SNX31: variants seen among roughly 807,000 people sequenced by gnomAD.
The protein encoded by SNX31 is sorting nexin-31.
In SNX31, 58 loss-of-function variants were observed where a neutral mutation model predicts 65.4. That is an observed-to-expected ratio of 0.89 (90% CI 0.72 to 1.10). The LOEUF (loss-of-function observed/expected upper bound fraction) is 1.10. Among genes scored for constraint, SNX31 ranks in the 50% least tolerant of loss-of-function variants. The probability of loss-of-function intolerance (pLI) is 0.00; values close to 1 mark genes in which losing one functional copy is unlikely to be tolerated. For missense variants in SNX31, 523 were observed against 529.7 expected (o/e 0.99, Z 0.12); for synonymous variants, 181 against 190.1 (o/e 0.95, Z 0.39).
At chr8:100,582,173 T>C (rs932678092) in intron 12 of SNX31, among the ~76,000 whole-genome samples, 2 of 152,240 alleles carry the variant, frequency 1.3e-5, no homozygotes, top group African/African-American at 2.4e-5. Flanking sequence ...TTAAGATACA[T>C]AGTGTGGTTG....
At chr8:100,586,165 C>A (rs1002335384) in intron 11 of SNX31, among the ~76,000 whole-genome samples, 26 of 152,196 alleles carry the variant, frequency 1.7e-4, no homozygotes, top group African/African-American at 6.3e-4. Flanking sequence ...AAGTGATCTG[C>A]CGGCTTTGGC....
chr8:100,584,748 C>CTTTTT (rs531595486), intron 11 of SNX31, among the ~76,000 whole-genome samples: 6 of 135,444 alleles, frequency 4.4e-5, no homozygotes, highest in East Asian at 2.2e-4. Context: ...TTTTCTTTTT[C>CTTTTT]TTTTTTTTTT....
intron 11 of SNX31, among the ~76,000 whole-genome samples, chr8:100,587,481 C>T (rs1814151068): frequency 6.6e-6 from 1 of 152,178 alleles, no homozygotes; most frequent in South Asian, 2.1e-4. Context: ...TGCTATTGTG[C>T]TGATTAGCTA....
At chr8:100,656,532 T>C (rs932310263) in intron 1 of SNX31, among the ~76,000 whole-genome samples, 3 of 147,256 alleles carry the variant, frequency 2.0e-5, no homozygotes, top group African/African-American at 7.7e-5. Flanking sequence ...TCCCAGCTAC[T>C]CGGGAGGCCA....
chr8:100,611,780 T>C (rs528140977), intron 7 of SNX31, among the ~76,000 whole-genome samples: 8 of 152,302 alleles, frequency 5.3e-5, no homozygotes, highest in Non-Finnish European at 1.0e-4. Flanking sequence ...GATCTTGAAC[T>C]CCTGGGCTCC....
At chr8:100,598,807 G>A (rs890443280) in intron 9 of SNX31, among the ~76,000 whole-genome samples, 1 of 152,152 alleles carries the variant, frequency 6.6e-6, no homozygotes, top group Non-Finnish European at 1.5e-5. Flanking sequence ...CAGACATATG[G>A]TCCCTGTTGC....
At position 100,661,795 on chromosome 8, in the gene SNX31, GC is replaced by G. The variant is rs1739148684; in HGVS notation, c.-58+1346del. On this transcript the variant is annotated intron_variant, in intron 1 of 5. Transcript: ENST00000520352. Reference sequence around the variant, plus strand: ...TCCTCCTGCCTCAGCCTCCCAAAGTGCTGGGATTACAGGTGTGAGCCACTGC... The same window carrying G: ...TCCTCCTGCCTCAGCCTCCCAAAGTGTGGGATTACAGGTGTGAGCCACTGC... 3.9e-5 allele frequency among the ~76,000 whole-genome samples: 6 copies of G among 152,134 alleles called. No individual in the cohort carries two copies. In the South Asian group the frequency reaches 1.2e-3, roughly 32 times the overall value.
At chr8:100,637,422 G>A (rs1228816106) in intron 2 of SNX31, among the ~76,000 whole-genome samples, 1 of 152,156 alleles carries the variant, frequency 6.6e-6, no homozygotes, top group African/African-American at 2.4e-5. Flanking sequence ...TAAGAAAAAT[G>A]AGGCTGCAAA....
chr8:100,647,269 ATTTATTAAAATCTAT>A (rs1036403026), intron 2 of SNX31, among the ~76,000 whole-genome samples: 5 of 152,314 alleles, frequency 3.3e-5, no homozygotes, highest in African/African-American at 4.8e-5. Context: ...AATATGAAAT[ATTTATTAAAATCTAT>A]TTTATTAAAA....
At chr8:100,640,426 A>G (rs892845492) in intron 2 of SNX31, among the ~76,000 whole-genome samples, 4 of 152,124 alleles carry the variant, frequency 2.6e-5, no homozygotes, top group African/African-American at 4.8e-5. Flanking sequence ...ACGCCCAGCC[A>G]TATCAGATAA....
chr8:100,620,203 C>T (rs972128772), intron 4 of SNX31, among the ~76,000 whole-genome samples: 16 of 152,254 alleles, frequency 1.1e-4, no homozygotes, highest in African/African-American at 3.9e-4. Context: ...CAGGAGATTA[C>T]TGGGGGACCA....
chr8:100,625,393 G>A lies in SNX31; in HGVS notation c.321+4934C>T, dbSNP rs369132727. Among the ~76,000 whole-genome samples the A allele has an allele frequency of 3.7e-3, 551 of 149,544 alleles. 4 individuals carry two copies. Among genetic ancestry groups the A allele is most frequent in the South Asian group, 0.012 (53 of 4,366 alleles). On this transcript the variant is annotated intron_variant, in intron 4 of 13. Transcript: ENST00000311812. This position sits in a 1 kb window ranked among gnomAD's most constrained non-coding sequence, Gnocchi z 4.2. ...TCCACATATGGATTTTCTTGGATGC[G>A]CACCATGGCTATTAGACATTCCTCT...
At chr8:100,640,431 A>G (rs1011274644) in intron 2 of SNX31, among the ~76,000 whole-genome samples, 3 of 152,170 alleles carry the variant, frequency 2.0e-5, no homozygotes, top group Non-Finnish European at 4.4e-5. Context: ...CAGCCATATC[A>G]GATAATTTCT....
chr8:100,593,354 A>G (rs1229180430), intron 10 of SNX31, among the ~76,000 whole-genome samples: 1 of 152,256 alleles, frequency 6.6e-6, no homozygotes, highest in Non-Finnish European at 1.5e-5. Flanking sequence ...GAGGACAGAC[A>G]GTCATTTCAA....
At chr8:100,633,751 T>G (rs568148284) in intron 3 of SNX31, among the ~76,000 whole-genome samples, 2 of 152,194 alleles carry the variant, frequency 1.3e-5, no homozygotes, top group East Asian at 3.9e-4. Context: ...GATTCATATA[T>G]ACACATACAC....
chr8:100,592,006 G>T (rs1814631541), intron 10 of SNX31, among the ~76,000 whole-genome samples: 1 of 152,012 alleles, frequency 6.6e-6, no homozygotes, highest in Non-Finnish European at 1.5e-5. Context: ...AATATGATCT[G>T]CAAACAGTAG....
chr8:100,585,492 G>A (rs1196343084), intron 11 of SNX31, among the ~76,000 whole-genome samples: 1 of 152,100 alleles, frequency 6.6e-6, no homozygotes, highest in Non-Finnish European at 1.5e-5. Context: ...GAATTAGAGG[G>A]AAAATGGGCT....
In SNX31 at chr8:100,576,011, G is replaced by A. The variant is rs997929569; in HGVS notation, c.1227+1008C>T. Among the ~76,000 whole-genome samples the A allele has an allele frequency of 6.6e-6, 1 of 152,158 alleles. No homozygotes were observed. The highest frequency in any genetic ancestry group is 2.4e-5 in the African/African-American group (1 of 41,446). On this transcript the variant is annotated intron_variant, in intron 13 of 13. Transcript: ENST00000311812. The surrounding 1 kb of genome is among the most constrained non-coding windows in gnomAD (Gnocchi z 4.8). ...TCTACATTTTACAGACAAAGATATG[G>A]AAGTGCAGTATCAGAGTCCCTAATG...
At chr8:100,615,787 G>T (rs1010296654) in intron 5 of SNX31, among the ~76,000 whole-genome samples, 8 of 152,012 alleles carry the variant, frequency 5.3e-5, no homozygotes, top group Non-Finnish European at 1.2e-4. Context: ...TATTATTTTT[G>T]GAGACGGAGT....
Sources: allele counts gnomAD v4.1 joint callset (sites outside exome capture counted in the v4.1 genomes callset), GRCh38; gene constraint gnomAD v4.1.1; non-coding constraint Gnocchi (gnomAD v3.1); transcripts MANE v1.5; gene names NCBI Gene and HGNC (gene_info 2026-07-23, HGNC 2026-07-21).